The following CREB1 variants were observed in gnomAD, a reference collection of about 807,000 sequenced individuals.
The protein encoded by CREB1 is cyclic AMP-responsive element-binding protein 1.
Under a neutral mutation model 42.0 loss-of-function variants are expected in CREB1, and 2 were observed. The observed-to-expected ratio is 0.05, with a 90% CI of 0.02 to 0.15. The LOEUF (loss-of-function observed/expected upper bound fraction) is 0.15, where lower values mean the gene tolerates loss of function less well. Ranked by LOEUF, CREB1 falls within the 10% of genes least tolerant of loss-of-function variation. The pLI is 1.00. For synonymous variants in CREB1, 123 were observed against 139.9 expected (o/e 0.88, Z 0.85); for missense variants, 199 against 388.9 (o/e 0.51, Z 4.11).
intron 2 of CREB1, among the ~76,000 whole-genome samples, chr2:207,557,522 A>C (rs1226081888): frequency 6.6e-6 from 1 of 152,182 alleles, no homozygotes; most frequent in Non-Finnish European, 1.5e-5. Flanking sequence ...TCTACTAAAA[A>C]TACAAAAAAA....
Position 207,601,676 on chromosome 2 carries a change from A to G in CREB1, c.*4618A>G. On this transcript the variant is annotated 3_prime_UTR_variant, in exon 8 of 8. Coordinates refer to ENST00000353267, the MANE Select transcript of CREB1 (RefSeq NM_004379.5). ...CTTTTTAAAGCAATTGTCCTCACAG[A>G]GACCACATGTAATATACTGAAATAT... 4.7e-6 allele frequency: 1 copy of G among 214,376 alleles called. No individual in the cohort carries two copies. 13.3% of individuals were successfully genotyped at this position (214,376 alleles called of 1,614,324 possible). A position where few individuals can be genotyped will look rare whatever the true frequency, so the allele number is the denominator to read the frequency against.
chr2:207,541,986 T>A (rs1339317663), intron 1 of CREB1, among the ~76,000 whole-genome samples: 1 of 152,234 alleles, frequency 6.6e-6, no homozygotes, highest in South Asian at 2.1e-4. Flanking sequence ...TTTAGCATAA[T>A]GTTTTCAAGG....
chr2:207,593,789 G>A (rs1248552589), intron 7 of CREB1, among the ~76,000 whole-genome samples: 2 of 149,210 alleles, frequency 1.3e-5, no homozygotes, highest in Admixed American at 1.3e-4. Flanking sequence ...CGCTATCTTG[G>A]CTCACTGCAA....
chr2:207,548,731 A>G (rs906106854), intron 1 of CREB1, among the ~76,000 whole-genome samples: 6 of 152,076 alleles, frequency 3.9e-5, no homozygotes, highest in African/African-American at 9.7e-5. Context: ...AGCCTGGGCA[A>G]TGAGCAAAAC....
At chr2:207,564,610 T>C (rs2082074450) in intron 3 of CREB1, among the ~76,000 whole-genome samples, 2 of 152,202 alleles carry the variant, frequency 1.3e-5, no homozygotes, top group Admixed American at 1.3e-4. Flanking sequence ...TATATAGGTT[T>C]AGGAAACATC....
rs2083144524 is a variant in CREB1 at position 207,582,794 on chromosome 2, G to A, written c.839+5139G>A. On this transcript the variant is annotated intron_variant, in intron 7 of 7. Coordinates refer to ENST00000353267, the MANE Select transcript of CREB1 (RefSeq NM_004379.5). ...TGTAATCCCAGCTACTCAGGCGGCT[G>A]AGGCAGAAGAATTGTGCGAACCTGG... 2.5e-5 allele frequency: 7 copies of A among 283,548 alleles called. 1 individual carries two copies. Among genetic ancestry groups the A allele is most frequent in the South Asian group, 2.0e-4 (7 of 34,158 alleles). 17.6% of individuals were successfully genotyped at this position (283,548 alleles called of 1,614,324 possible).
Position 207,603,768 on chromosome 2 carries a change from C to T in CREB1, c.*6710C>T, listed in dbSNP as rs1311882566. On this transcript the variant is annotated 3_prime_UTR_variant, in exon 8 of 8. Transcript: ENST00000353267. ...TAAGACTATATACCTTCTCAGGTCC[C>T]CTTGCAATTCTAAAACTCTGTGATC... is the stretch of plus-strand genomic sequence containing the variant. Among the ~76,000 whole-genome samples, 1 of 152,090 alleles carries T rather than the reference C, an allele frequency of 6.6e-6. No individual in the cohort carries two copies. Among genetic ancestry groups the T allele is most frequent in the Admixed American group, 6.6e-5 (1 of 15,248 alleles).
intron 1 of CREB1, chr2:207,550,542 G>C (rs1574805050): frequency 6.6e-6 from 1 of 152,030 alleles, no homozygotes; most frequent in South Asian, 2.1e-4. Context: ...CTAGAATGTT[G>C]ACGATTATAA....
At chr2:207,551,501 T>A (rs1223877319) in intron 1 of CREB1, among the ~76,000 whole-genome samples, 1 of 152,192 alleles carries the variant, frequency 6.6e-6, no homozygotes, top group Non-Finnish European at 1.5e-5. Context: ...ATAGTATGAC[T>A]TGTAGTTTTT....
At chr2:207,555,480 C>G in intron 1 of CREB1, 148 bp from the exon 2 acceptor site, 1 of 504,410 alleles carries the variant, frequency 2.0e-6, no homozygotes, top group Non-Finnish European at 3.6e-6. Context: ...GATGGTAATT[C>G]AGCTACATTA....
At chr2:207,553,399 C>T (rs1385011840) in intron 1 of CREB1, among the ~76,000 whole-genome samples, 2 of 152,074 alleles carry the variant, frequency 1.3e-5, no homozygotes, top group Admixed American at 6.6e-5. Context: ...TTGTTTGTTA[C>T]ATTTGATGTC....
intron 7 of CREB1, among the ~76,000 whole-genome samples, chr2:207,593,155 C>T (rs2085408564): frequency 6.6e-6 from 1 of 152,210 alleles, no homozygotes; most frequent in African/African-American, 2.4e-5. Context: ...TTCCATGCCA[C>T]TGCTGAAATA....
chr2:207,560,768 C>T (rs952682683), intron 3 of CREB1, among the ~76,000 whole-genome samples: 6 of 152,098 alleles, frequency 3.9e-5, no homozygotes, highest in Admixed American at 2.0e-4. Flanking sequence ...ATAACCTTAC[C>T]TAAGATATTA....
chr2:207,592,339 A>G (rs2247053), intron 7 of CREB1, among the ~76,000 whole-genome samples: 128,482 of 152,118 alleles, frequency 0.84, 54,452 homozygotes, highest in East Asian at 1. Flanking sequence ...CCCGGGAGGC[A>G]GAGGTTGCAG....
intron 5 of CREB1, among the ~76,000 whole-genome samples, chr2:207,571,575 C>T (rs150263643): frequency 0.015 from 2,238 of 152,166 alleles, 25 homozygotes; most frequent in Non-Finnish European, 0.023. Context: ...CTTTTTTCTT[C>T]TTAAGATCTT....
At chr2:207,594,224 T>C (rs745896803) in intron 7 of CREB1, among the ~76,000 whole-genome samples, 2 of 152,188 alleles carry the variant, frequency 1.3e-5, no homozygotes, top group Non-Finnish European at 2.9e-5. Context: ...TCATTTTTAA[T>C]TGTGGTAAAA....
At chr2:207,530,328 G>A (rs1559254762) in intron 1 of CREB1, among the ~76,000 whole-genome samples, 194 bp downstream of exon 1, 1 of 151,186 alleles carries the variant, frequency 6.6e-6, no homozygotes, top group Admixed American at 6.6e-5. Flanking sequence ...GCGGACTGGA[G>A]CCAGCGGCGG....
intron 7 of CREB1, among the ~76,000 whole-genome samples, chr2:207,590,880 T>C (rs1283285138): frequency 6.6e-6 from 1 of 152,240 alleles, no homozygotes; most frequent in African/African-American, 2.4e-5. Flanking sequence ...ATTTCCATTT[T>C]AGCATTGGTT....
intron 1 of CREB1, among the ~76,000 whole-genome samples, chr2:207,544,331 TA>T (rs1376714753): frequency 6.6e-6 from 1 of 152,222 alleles, no homozygotes. Flanking sequence ...TGCATCAGAT[TA>T]CCATAAATAG....
Sources: gnomAD v4.1 joint callset for allele counts (sites outside exome capture counted in the v4.1 genomes callset) on GRCh38, gnomAD v4.1.1 for gene constraint, MANE v1.5 for transcripts, NCBI Gene and HGNC (gene_info 2026-07-23, HGNC 2026-07-21) for gene names.